The following SPCS2 variants were observed in gnomAD, a reference collection of about 807,000 sequenced individuals.
SPCS2 encodes SPase 25 kDa subunit.
In SPCS2, 3 loss-of-function variants were observed where a neutral mutation model predicts 22.3. The observed-to-expected ratio is 0.13, with a 90% confidence interval of 0.06 to 0.35. SPCS2 has a LOEUF of 0.35. Among genes scored for constraint, SPCS2 ranks in the 10% least tolerant of loss-of-function variants. The probability of loss-of-function intolerance (pLI) is 1.00; values close to 1 mark genes in which losing one functional copy is unlikely to be tolerated. For missense variants in SPCS2, 169 were observed against 280.9 expected, an observed-to-expected ratio of 0.60 and a Z score of 2.85; for synonymous variants, 67 against 97.2, an observed-to-expected ratio of 0.69 and a Z score of 1.83.
chr11:74,951,528 C>T (rs1948445164), intron 1 of SPCS2, among the ~76,000 whole-genome samples: 1 of 151,778 alleles, frequency 6.6e-6, no homozygotes. Context: ...GTAAGAGCCT[C>T]GGCCGGGCGC....
intron 1 of SPCS2, among the ~76,000 whole-genome samples, chr11:74,951,225 T>C (rs1276843287): frequency 6.6e-6 from 1 of 152,190 alleles, no homozygotes; most frequent in African/African-American, 2.4e-5. Context: ...TTAACCTTTC[T>C]TCATTTGGAA....
At chr11:74,967,306 T>G (rs949124118) in intron 3 of SPCS2, among the ~76,000 whole-genome samples, 1 of 152,226 alleles carries the variant, frequency 6.6e-6, no homozygotes, top group South Asian at 2.1e-4. Flanking sequence ...CAAAGAGATT[T>G]GAAAATGATA....
intron 1 of SPCS2, among the ~76,000 whole-genome samples, chr11:74,957,496 A>T (rs1948486875): frequency 6.6e-6 from 1 of 152,202 alleles, no homozygotes; most frequent in Non-Finnish European, 1.5e-5. Flanking sequence ...GACTCATCGC[A>T]CATCTGTATC....
At chr11:74,955,851 A>AATATATATATATATAC (rs1948474985) in intron 1 of SPCS2, among the ~76,000 whole-genome samples, 4 of 55,594 alleles carry the variant, frequency 7.2e-5, no homozygotes, top group African/African-American at 9.3e-5. Context: ...TACTAATTAA[A>AATATATATATATATAC]ATATATATAT....
At chr11:74,962,362 A>G (rs939527001) in intron 1 of SPCS2, among the ~76,000 whole-genome samples, 1 of 152,198 alleles carries the variant, frequency 6.6e-6, no homozygotes, top group Non-Finnish European at 1.5e-5. Context: ...CCAAGGGCCA[A>G]CCTTGCAAAC....
At chr11:74,957,697 C>T (rs999917067) in intron 1 of SPCS2, among the ~76,000 whole-genome samples, 3 of 152,216 alleles carry the variant, frequency 2.0e-5, no homozygotes, top group Non-Finnish European at 2.9e-5. Flanking sequence ...TCTATGTCTA[C>T]TTCTTACCAT....
chr11:74,951,951 G>T (rs758474983), intron 1 of SPCS2, among the ~76,000 whole-genome samples: 6 of 152,100 alleles, frequency 3.9e-5, no homozygotes, highest in Non-Finnish European at 8.8e-5. Flanking sequence ...CAGATGTGAT[G>T]GTGTTTTATG....
intron 1 of SPCS2, among the ~76,000 whole-genome samples, chr11:74,955,894 G>C (rs1366794424): frequency 1.9e-5 from 1 of 51,826 alleles, no homozygotes; most frequent in Non-Finnish European, 4.6e-5. Context: ...ATATCTGCCT[G>C]CCTAGGTACC....
intron 1 of SPCS2, among the ~76,000 whole-genome samples, chr11:74,957,089 A>G (rs1416837866): frequency 6.6e-6 from 1 of 152,180 alleles, no homozygotes; most frequent in South Asian, 2.1e-4. Flanking sequence ...TACAAGAAGA[A>G]GCTCTTTGAG....
At chr11:74,955,925 C>A (rs115153019) in intron 1 of SPCS2, among the ~76,000 whole-genome samples, 1,509 of 129,568 alleles carry the variant, frequency 0.012, 41 homozygotes, top group African/African-American at 0.037. Flanking sequence ...GTTGCTAGCA[C>A]CATTTCTCTG....
In SPCS2 at chr11:74,949,362, G is replaced by A. The variant is rs558168505; in HGVS notation, c.77G>A (p.Cys26Tyr). The change falls in exon 1 of 5, where the codon TGC becomes TAC. Residue 26 changes from cysteine (C) to tyrosine (Y), a missense_variant. Around this residue, in one of 2 missense-constraint regions of SPCS2, gnomAD observed 51 missense variants for 37.8 expected, o/e 1.35. Coordinates refer to ENST00000263672, the MANE Select transcript of SPCS2 (RefSeq NM_014752.3). ...AGTGGGGCTGGTGGTGCTTCCAACT[G>A]CGGGACAGGAAGTGGCCGTAGCGGC... is the stretch of plus-strand genomic sequence containing the variant. ...GCSGAGGASN[C>Y]GTGSGRSGLL... 1.1e-5 allele frequency: 17 copies of A among 1,551,502 alleles called. No individual in the cohort carries two copies. The South Asian group carries it at 1.7e-4, about 15-fold the overall frequency.
At chr11:74,976,797 T>G in intron 4 of SPCS2, 60 bp from the exon 5 acceptor site, 2 of 1,603,506 alleles carry the variant, frequency 1.2e-6, no homozygotes, top group South Asian at 1.1e-5. Flanking sequence ...GGTGCCGTAT[T>G]GTTACTGGTT....
chr11:74,955,223 TAGGTGTATACCCA>T (rs1948470623), intron 1 of SPCS2, among the ~76,000 whole-genome samples: 1 of 152,204 alleles, frequency 6.6e-6, no homozygotes, highest in South Asian at 2.1e-4. Context: ...ATTCCACTCC[TAGGTGTATACCCA>T]AGAGAACTGA....
intron 4 of SPCS2, among the ~76,000 whole-genome samples, chr11:74,974,148 C>A (rs1948602904): frequency 6.6e-6 from 1 of 151,716 alleles, no homozygotes; most frequent in Admixed American, 6.6e-5. Context: ...ATACCACACA[C>A]TTCTAATTTT....
rs1179201911 is a variant in SPCS2, at chr11:74,964,392, C to T, written c.115-642C>T. Among the ~76,000 whole-genome samples, 5 of 152,300 alleles carry T rather than the reference C, an allele frequency of 3.3e-5. No homozygotes were observed. In the East Asian group the frequency reaches 7.7e-4, roughly 24 times the overall value. On this transcript the variant is annotated intron_variant, in intron 1 of 4. Coordinates refer to ENST00000263672, the MANE Select transcript of SPCS2 (RefSeq NM_014752.3). ...AGAAGTAGAGTTTGTCCACTCAACT[C>T]GTGTTGGGACTGAGTCTGGGACTTG...
At chr11:74,953,952 T>C (rs1948461480) in intron 1 of SPCS2, among the ~76,000 whole-genome samples, 1 of 152,248 alleles carries the variant, frequency 6.6e-6, no homozygotes, top group Non-Finnish European at 1.5e-5. Context: ...GTCAGCCTGA[T>C]CTTAAAGCAC....
At chr11:74,958,176 A>G (rs1948490392) in intron 1 of SPCS2, among the ~76,000 whole-genome samples, 1 of 152,168 alleles carries the variant, frequency 6.6e-6, no homozygotes, top group Non-Finnish European at 1.5e-5. Context: ...GGCAGTGTAA[A>G]ACCTAAGAAT....
chr11:74,953,986 C>T (rs1251228871), intron 1 of SPCS2, among the ~76,000 whole-genome samples: 1 of 152,182 alleles, frequency 6.6e-6, no homozygotes, highest in African/African-American at 2.4e-5. Flanking sequence ...TTACATCAGA[C>T]TCCTTTGAGA....
intron 1 of SPCS2, 117 bp from the exon 2 acceptor site, chr11:74,964,917 C>T: frequency 1.5e-6 from 1 of 659,400 alleles, no homozygotes; most frequent in Non-Finnish European, 2.5e-6. Flanking sequence ...TCTGCAACAT[C>T]AGAAGACAAA....
Sources: gnomAD v4.1 joint callset for allele counts (sites outside exome capture counted in the v4.1 genomes callset) on GRCh38, gnomAD v4.1.1 for gene constraint, gnomAD v4.1.1 regional missense constraint, MANE v1.5 for transcripts, NCBI Gene and HGNC (gene_info 2026-07-23, HGNC 2026-07-21) for gene names.